CNTN5: variants seen among roughly 807,000 people sequenced by gnomAD.
CNTN5 encodes the protein contactin 5.
In CNTN5, 77 loss-of-function variants were observed where a neutral mutation model predicts 129.1. The ratio of observed to expected loss-of-function variants is 0.60; its 90% CI spans 0.50 to 0.72. CNTN5 has a LOEUF of 0.72. Ranked by LOEUF, CNTN5 falls within the 30% of genes least tolerant of loss-of-function variation. The pLI, the probability that CNTN5 is intolerant of heterozygous loss-of-function variation, is 0.00. For missense variants in CNTN5, 1,478 were observed against 1,328.8 expected, an observed-to-expected ratio of 1.11 and a Z score of -1.75; for synonymous variants, 509 against 465.6, an observed-to-expected ratio of 1.09 and a Z score of -1.20.
intron 20 of CNTN5, among the ~76,000 whole-genome samples, chr11:100,300,354 G>C (rs1037616907): frequency 5.3e-5 from 8 of 151,136 alleles, no homozygotes; most frequent in African/African-American, 1.9e-4. Flanking sequence ...CTTACAAGTG[G>C]GGGAAAAAAA....
chr11:99,680,787 G>T (rs1479027085), intron 3 of CNTN5, among the ~76,000 whole-genome samples: 1 of 151,840 alleles, frequency 6.6e-6, no homozygotes, highest in East Asian at 1.9e-4. Context: ...ATAGTCTTAT[G>T]CAACATATTT....
At chr11:99,454,446 T>C (rs1944422028) in intron 2 of CNTN5, among the ~76,000 whole-genome samples, 1 of 152,052 alleles carries the variant, frequency 6.6e-6, no homozygotes, top group Admixed American at 6.6e-5. Flanking sequence ...GATCTGATGG[T>C]TTTATAAGGG....
At chr11:100,095,879 T>C (rs1011863686) in intron 13 of CNTN5, among the ~76,000 whole-genome samples, 5 of 152,096 alleles carry the variant, frequency 3.3e-5, no homozygotes, top group African/African-American at 9.7e-5. Context: ...AGCAAAGGGC[T>C]TTTTGTCAGT....
intron 13 of CNTN5, among the ~76,000 whole-genome samples, chr11:100,079,992 A>G (rs1215009101): frequency 1.3e-5 from 2 of 152,156 alleles, no homozygotes. Context: ...AATTTCCTGT[A>G]CTTTTTGTGG....
At chr11:99,958,058 T>C (rs979611689) in intron 8 of CNTN5, among the ~76,000 whole-genome samples, 26 of 152,036 alleles carry the variant, frequency 1.7e-4, no homozygotes, top group African/African-American at 5.8e-4. Context: ...AAATGTAATA[T>C]TCATTTTAAA....
intron 3 of CNTN5, among the ~76,000 whole-genome samples, chr11:99,673,125 G>A (rs913286968): frequency 6.6e-6 from 1 of 152,102 alleles, no homozygotes; most frequent in Admixed American, 6.5e-5. Flanking sequence ...TGCAGTTTTA[G>A]AATATTAGAA....
intron 2 of CNTN5, among the ~76,000 whole-genome samples, chr11:99,512,220 C>A (rs367765977): frequency 2.0e-5 from 3 of 152,092 alleles, no homozygotes; most frequent in Non-Finnish European, 4.4e-5. Flanking sequence ...TTTTGCTATA[C>A]CTTTAATACA....
intron 3 of CNTN5, among the ~76,000 whole-genome samples, chr11:99,621,294 C>T (rs1487176352): frequency 6.6e-6 from 1 of 152,068 alleles, no homozygotes; most frequent in Non-Finnish European, 1.5e-5. Context: ...GTGGAAAAGC[C>T]TGGAGTCAGG....
chr11:100,010,203 G>C (rs1477565007), intron 9 of CNTN5, among the ~76,000 whole-genome samples: 2 of 152,048 alleles, frequency 1.3e-5, no homozygotes, highest in Admixed American at 6.6e-5. Flanking sequence ...TTTCAACTGG[G>C]TGTGCTCAGT....
intron 1 of CNTN5, among the ~76,000 whole-genome samples, chr11:99,291,338 C>T (rs1300611821): frequency 6.6e-6 from 1 of 151,752 alleles, no homozygotes; most frequent in African/African-American, 2.4e-5. Flanking sequence ...AATAGGGTCA[C>T]TCATATCTTT....
At chr11:99,916,970 G>T (rs1401353783) in intron 7 of CNTN5, among the ~76,000 whole-genome samples, 2 of 152,000 alleles carry the variant, frequency 1.3e-5, no homozygotes, top group Non-Finnish European at 2.9e-5. Context: ...TTTAATTAGA[G>T]TGATGGCCAT....
At chr11:99,781,964 A>G (rs1055597208) in intron 3 of CNTN5, among the ~76,000 whole-genome samples, 21 of 151,994 alleles carry the variant, frequency 1.4e-4, no homozygotes, top group Admixed American at 1.3e-3. Context: ...ATAGTGTTGG[A>G]AGTTCTGGCC....
chr11:99,812,087 T>C (rs990096901), intron 3 of CNTN5, among the ~76,000 whole-genome samples: 1 of 152,110 alleles, frequency 6.6e-6, no homozygotes, highest in Non-Finnish European at 1.5e-5. Context: ...AAGTCAGTTA[T>C]CACACACTGA....
intron 9 of CNTN5, among the ~76,000 whole-genome samples, chr11:100,053,909 C>T (rs1943088232): frequency 6.6e-6 from 1 of 151,698 alleles, no homozygotes; most frequent in Non-Finnish European, 1.5e-5. Context: ...TGCACAACAA[C>T]TTAAATGAAT....
intron 3 of CNTN5, among the ~76,000 whole-genome samples, chr11:99,635,474 A>T (rs557220805): frequency 9.5e-5 from 12 of 126,044 alleles, no homozygotes; most frequent in Non-Finnish European, 1.9e-4. Flanking sequence ...AAAATTGGAA[A>T]TCCTAGCAGA....
chr11:99,503,763 GA>G lies in CNTN5; in HGVS notation c.-70-52380del, dbSNP rs201026815. ...AGATCTATATCTATTACATATAATGGAATTTTTTTTGTAATATATATTATAT... is the reference window on the plus strand; with the variant it reads ...AGATCTATATCTATTACATATAATGGATTTTTTTTGTAATATATATTATAT... On this transcript the variant is annotated intron_variant, in intron 2 of 24. Transcript: ENST00000524871. 6.6e-3 allele frequency among the ~76,000 whole-genome samples: 999 copies of G among 152,016 alleles called. 10 individuals are homozygous for G. The highest frequency in any genetic ancestry group is 0.023 in the African/African-American group (942 of 41,452).
At chr11:99,240,906 C>G (rs7951783) in intron 1 of CNTN5, among the ~76,000 whole-genome samples, 1 of 152,132 alleles carries the variant, frequency 6.6e-6, no homozygotes, top group East Asian at 1.9e-4. Flanking sequence ...TTTTAACATG[C>G]GTCACTACTG....
chr11:99,828,198 TA>T (rs1258552055), intron 4 of CNTN5, among the ~76,000 whole-genome samples: 1 of 152,234 alleles, frequency 6.6e-6, no homozygotes, highest in African/African-American at 2.4e-5. Context: ...TAGCTCATTA[TA>T]AGAGTAATTT....
chr11:100,153,400 G>A (rs1170497968), intron 13 of CNTN5, among the ~76,000 whole-genome samples: 1 of 151,992 alleles, frequency 6.6e-6, no homozygotes, highest in East Asian at 1.9e-4. Context: ...TGATAATAAT[G>A]TATCTATTTT....
Sources: gnomAD v4.1 joint callset for allele counts (sites outside exome capture counted in the v4.1 genomes callset) on GRCh38, gnomAD v4.1.1 for gene constraint, MANE v1.5 for transcripts, NCBI Gene and HGNC (gene_info 2026-07-23, HGNC 2026-07-21) for gene names.